The following SYN3 variants were observed in gnomAD, a reference collection of about 807,000 sequenced individuals.
SYN3 encodes the protein synapsin-3.
SYN3 carries 35 observed loss-of-function variants against 65.8 expected under a neutral mutation model. The observed-to-expected ratio is 0.53, with a 90% CI of 0.41 to 0.70. The LOEUF (loss-of-function observed/expected upper bound fraction) is 0.70, where lower values mean the gene tolerates loss of function less well. Ranked by LOEUF, SYN3 falls within the 30% of genes least tolerant of loss-of-function variation. The pLI is 0.00. For synonymous variants in SYN3, 270 were observed against 292.9 expected, an observed-to-expected ratio of 0.92 and a Z score of 0.80; for missense variants, 680 against 749.0, an observed-to-expected ratio of 0.91 and a Z score of 1.08.
At chr22:32,868,006 G>C (rs1282545906) in intron 5 of SYN3, among the ~76,000 whole-genome samples, 1 of 152,228 alleles carries the variant, frequency 6.6e-6, no homozygotes, top group Non-Finnish European at 1.5e-5. Context: ...TGGAGAGAGA[G>C]ATGGCTTAAA....
rs76765788 is a variant in SYN3 at position 32,551,501 on chromosome 22, C to T, written c.775-9788G>A. Among the ~76,000 whole-genome samples, 1,322 of 146,174 alleles carry T rather than the reference C, an allele frequency of 9.0e-3. 8 individuals are homozygous for T. The highest frequency in any genetic ancestry group is 0.014 in the Non-Finnish European group (910 of 66,968). ...GGAAATTCTACAGGAAAAATGGCCT[C>T]CCCCCACCAACAAATAAATGACAAG... On this transcript the variant is annotated intron_variant, in intron 7 of 13. Transcript: ENST00000358763.
At chr22:33,046,397 T>C (rs1240214585) in intron 1 of SYN3, among the ~76,000 whole-genome samples, 1 of 152,216 alleles carries the variant, frequency 6.6e-6, no homozygotes, top group Admixed American at 6.5e-5. Flanking sequence ...CAAATGTTTA[T>C]AGCAGCTTTA....
At chr22:32,676,653 T>C (rs130748) in intron 6 of SYN3, among the ~76,000 whole-genome samples, 147,816 of 147,816 alleles carry the variant, frequency 1, 73,908 homozygotes, top group Non-Finnish European at 1. Context: ...TCTCCTGCCT[T>C]AGCCCCCCGA....
intron 6 of SYN3, among the ~76,000 whole-genome samples, chr22:32,679,732 G>A (rs1403672611): frequency 6.7e-6 from 1 of 150,066 alleles, no homozygotes; most frequent in Non-Finnish European, 1.5e-5. Context: ...GATTAGCCAT[G>A]TTCAGCATCT....
At chr22:32,755,779 C>A (rs2045271008) in intron 6 of SYN3, among the ~76,000 whole-genome samples, 1 of 152,184 alleles carries the variant, frequency 6.6e-6, no homozygotes, top group Non-Finnish European at 1.5e-5. Flanking sequence ...ACAAATACCA[C>A]TTAATGCCCC....
At position 32,877,825 on chromosome 22, in the gene SYN3, A is replaced by G. The variant is rs145175092; in HGVS notation, c.462-8700T>C. Among the ~76,000 whole-genome samples the G allele has an allele frequency of 7.9e-4, 120 of 152,128 alleles. 1 individual carries two copies. The highest frequency in any genetic ancestry group is 1.5e-3 in the Admixed American group (23 of 15,286). On this transcript the variant is annotated intron_variant, in intron 4 of 13. Coordinates refer to ENST00000358763, the MANE Select transcript of SYN3 (RefSeq NM_003490.4). ...AAGAGAAGAGCTCCTCCAAGGCTCA[A>G]TCTTTGGTTCTCTGCTTCATGGAAT...
At chr22:32,807,080 C>T (rs1047245411) in intron 6 of SYN3, among the ~76,000 whole-genome samples, 1 of 150,890 alleles carries the variant, frequency 6.6e-6, no homozygotes, top group Admixed American at 6.7e-5. Context: ...AGCACCTTCT[C>T]CAGCTGGGAC....
At chr22:32,627,118 C>T (rs542464464) in intron 6 of SYN3, among the ~76,000 whole-genome samples, 24 of 151,840 alleles carry the variant, frequency 1.6e-4, no homozygotes, top group South Asian at 4.2e-4. Flanking sequence ...CCCACCCTCC[C>T]GGGGTCGTTG....
intron 7 of SYN3, among the ~76,000 whole-genome samples, chr22:32,549,570 CA>C (rs1309443688): frequency 3.9e-5 from 6 of 152,124 alleles, no homozygotes; most frequent in Admixed American, 3.9e-4. Flanking sequence ...AAACTTTTAT[CA>C]AGAATTTTTT....
intron 7 of SYN3, among the ~76,000 whole-genome samples, chr22:32,559,597 G>A (rs2058554385): frequency 6.6e-6 from 1 of 152,226 alleles, no homozygotes; most frequent in African/African-American, 2.4e-5. Flanking sequence ...GGGAGGCCGA[G>A]ATGGGCGGAT....
chr22:32,790,099 A>G (rs2046286301), intron 6 of SYN3, among the ~76,000 whole-genome samples: 2 of 152,236 alleles, frequency 1.3e-5, no homozygotes, highest in African/African-American at 4.8e-5. Flanking sequence ...CACAGTTAAG[A>G]AAAGGCAGTA....
chr22:32,930,467 T>C (rs1157153336), intron 4 of SYN3, among the ~76,000 whole-genome samples: 1 of 152,190 alleles, frequency 6.6e-6, no homozygotes. Flanking sequence ...CGAGTATATG[T>C]CTTTATCAGC....
intron 6 of SYN3, among the ~76,000 whole-genome samples, chr22:32,614,279 C>T (rs915703471): frequency 2.0e-5 from 3 of 152,192 alleles, no homozygotes; most frequent in Admixed American, 6.5e-5. Flanking sequence ...AATGGGCTAC[C>T]GGTGTGCCAT....
At chr22:32,982,866 C>T (rs902744610) in intron 2 of SYN3, among the ~76,000 whole-genome samples, 3 of 152,108 alleles carry the variant, frequency 2.0e-5, no homozygotes, top group South Asian at 2.1e-4. Flanking sequence ...ACCACCACCA[C>T]GAAGTAGATA....
At chr22:32,556,834 T>TTTTTTTTTTTTTTTTTTG (rs1569035464) in intron 7 of SYN3, among the ~76,000 whole-genome samples, 2 of 129,318 alleles carry the variant, frequency 1.5e-5, no homozygotes, top group African/African-American at 2.9e-5. Flanking sequence ...TTTTTTTTTT[T>TTTTTTTTTTTTTTTTTTG]TGTGTGTAGA....
At chr22:32,868,008 T>C (rs1041035820) in intron 5 of SYN3, among the ~76,000 whole-genome samples, 2 of 152,210 alleles carry the variant, frequency 1.3e-5, no homozygotes, top group Non-Finnish European at 2.9e-5. Flanking sequence ...GAGAGAGAGA[T>C]GGCTTAAATT....
At chr22:32,603,079 T>A (rs1160801628) in intron 6 of SYN3, among the ~76,000 whole-genome samples, 1 of 151,964 alleles carries the variant, frequency 6.6e-6, no homozygotes, top group Non-Finnish European at 1.5e-5. Context: ...GCCATGGCAT[T>A]GCATACGGGG....
At chr22:32,913,781 C>T (rs186761376) in intron 4 of SYN3, among the ~76,000 whole-genome samples, 3 of 152,308 alleles carry the variant, frequency 2.0e-5, no homozygotes, top group Admixed American at 2.0e-4. Flanking sequence ...GACACAAGAG[C>T]TCTTTGTGCA....
At chr22:32,587,184 T>G (rs1031840983) in intron 7 of SYN3, among the ~76,000 whole-genome samples, 11 of 138,560 alleles carry the variant, frequency 7.9e-5, no homozygotes, top group Admixed American at 7.8e-5. Flanking sequence ...ATCACACCAC[T>G]GCACTCCAGC....
Sources: allele counts gnomAD v4.1 joint callset (sites outside exome capture counted in the v4.1 genomes callset), GRCh38; gene constraint gnomAD v4.1.1; transcripts MANE v1.5; gene names NCBI Gene and HGNC (gene_info 2026-07-23, HGNC 2026-07-21).